The following IARS1 variants were observed in gnomAD, a reference collection of about 807,000 sequenced individuals.
IARS1 encodes the protein isoleucyl-tRNA synthetase 1, also known as isoleucine--tRNA ligase, cytoplasmic.
A neutral mutation model predicts 168.2 loss-of-function variants in IARS1; 124 were observed. The observed-to-expected ratio is 0.74, with a 90% CI of 0.64 to 0.86. The LOEUF (loss-of-function observed/expected upper bound fraction) is 0.86. Ranked by LOEUF, IARS1 falls within the 40% of genes least tolerant of loss-of-function variation. The probability of loss-of-function intolerance (pLI) is 0.00; values close to 1 mark genes in which losing one functional copy is unlikely to be tolerated. For synonymous variants in IARS1, 532 were observed against 529.4 expected (o/e 1.00, Z -0.07); for missense variants, 1,452 against 1,515.8 (o/e 0.96, Z 0.70).
intron 30 of IARS1, 27 bp from the exon 31 acceptor site, chr9:92,229,153 A>T (rs745519982): frequency 1.0e-5 from 16 of 1,602,004 alleles, no homozygotes; most frequent in Non-Finnish European, 8.5e-7. Context: ...ATAACACCTC[A>T]ATCAGACAAA....
Position 92,282,852 on chromosome 9 carries a change from ATATATATATT to A in IARS1, c.598-1969_598-1960del, listed in dbSNP as rs1293761871. Among the ~76,000 whole-genome samples the A allele has an allele frequency of 2.8e-5, 4 of 142,884 alleles. No homozygotes were observed. The South Asian group carries it at 9.5e-4, about 34-fold the overall frequency. 93.7% of individuals were successfully genotyped at this position (142,884 alleles called of 152,430 possible). On this transcript the variant is annotated intron_variant, in intron 6 of 33. Coordinates refer to ENST00000443024, the MANE Select transcript of IARS1 (RefSeq NM_002161.6). ...TACATACACACACATATATATATAT[ATATATATATT>A]TTTTTTTTTTGAGACAGAGTCTAAC...
rs1490186584 is a variant in IARS1 at position 92,210,892 on chromosome 9, A to G, written c.3707-3T>C. The G allele has an allele frequency of 6.3e-7, 1 of 1,583,052 alleles. No individual in the cohort carries two copies. Among genetic ancestry groups the G allele is most frequent in the East Asian group, 2.2e-5 (1 of 44,706 alleles). ...CACGGGGATGTCTTCTGTAATTTCT[A>G]GAATGGAAAGAAAAAGTTGAAAAAA... On this transcript the variant is annotated splice_region_variant and splice_polypyrimidine_tract_variant and intron_variant, in intron 33 of 33. Transcript: ENST00000443024.
chr9:92,218,509 T>G (rs1227038724), intron 33 of IARS1, among the ~76,000 whole-genome samples: 23 of 110,740 alleles, frequency 2.1e-4, no homozygotes, highest in African/African-American at 9.8e-4. Flanking sequence ...ATGACATGAT[T>G]GTATATCTAG....
intron 30 of IARS1, among the ~76,000 whole-genome samples, chr9:92,233,456 G>A (rs1238214969): frequency 3.9e-5 from 6 of 152,250 alleles, no homozygotes; most frequent in African/African-American, 7.2e-5. Flanking sequence ...TTGAGGAGAT[G>A]CAATGGAAAG....
chr9:92,252,764 CAAAAAA>C (rs34983021), intron 21 of IARS1, among the ~76,000 whole-genome samples: 3 of 27,234 alleles, frequency 1.1e-4, no homozygotes, highest in South Asian at 2.1e-3. Flanking sequence ...AACTCCTTCT[CAAAAAA>C]AAAAAAAAAA....
chr9:92,234,257 T>C (rs1283405244), intron 30 of IARS1, among the ~76,000 whole-genome samples: 1 of 152,256 alleles, frequency 6.6e-6, no homozygotes, highest in Non-Finnish European at 1.5e-5. Flanking sequence ...ACCCAATTAA[T>C]GCTTGAATCC....
chr9:92,270,781 G>A (rs928557444), intron 12 of IARS1, among the ~76,000 whole-genome samples: 3 of 152,114 alleles, frequency 2.0e-5, no homozygotes, highest in Non-Finnish European at 4.4e-5. Context: ...GGGCGTCAGA[G>A]TGAGACCCTA....
chr9:92,239,772 T>G (rs559578470), intron 30 of IARS1, among the ~76,000 whole-genome samples: 2 of 152,228 alleles, frequency 1.3e-5, no homozygotes, highest in African/African-American at 4.8e-5. Flanking sequence ...GATACCCCTG[T>G]GACAGGGGAG....
chr9:92,271,819 C>A (rs1191235382), intron 10 of IARS1, among the ~76,000 whole-genome samples, 164 bp from the exon 11 acceptor site: 1 of 152,178 alleles, frequency 6.6e-6, no homozygotes, highest in Non-Finnish European at 1.5e-5. Flanking sequence ...GAATCAGACC[C>A]TCACAGTTGG....
chr9:92,263,578 C>T (rs781637519), intron 16 of IARS1, among the ~76,000 whole-genome samples: 9 of 152,218 alleles, frequency 5.9e-5, no homozygotes, highest in African/African-American at 1.9e-4. Context: ...GGGGGTGATG[C>T]TTTCCTGCCT....
At chr9:92,252,187 T>C (rs938150932) in intron 21 of IARS1, among the ~76,000 whole-genome samples, 4 of 152,110 alleles carry the variant, frequency 2.6e-5, no homozygotes, top group African/African-American at 9.7e-5. Context: ...AGGCTGAAGG[T>C]AGAATGGATC....
At chr9:92,269,720 C>T (rs1832756971) in intron 13 of IARS1, among the ~76,000 whole-genome samples, 165 bp downstream of exon 13, 1 of 152,148 alleles carries the variant, frequency 6.6e-6, no homozygotes, top group Non-Finnish European at 1.5e-5. Context: ...TGTTCTGTAA[C>T]ATTATTTGAA....
intron 25 of IARS1, among the ~76,000 whole-genome samples, chr9:92,249,227 A>G (rs1246708878): frequency 6.6e-6 from 1 of 152,152 alleles, no homozygotes; most frequent in Non-Finnish European, 1.5e-5. Flanking sequence ...CATAATTTGG[A>G]GGAACAAAGT....
At chr9:92,269,781 C>CAAA in intron 13 of IARS1, 104 bp downstream of exon 13, 1 of 712,264 alleles carries the variant, frequency 1.4e-6, no homozygotes, top group Non-Finnish European at 2.5e-6. Context: ...TTACAATACC[C>CAAA]AATAAAAGAT....
chr9:92,227,033 T>A (rs569387), intron 31 of IARS1, among the ~76,000 whole-genome samples: 13,095 of 135,428 alleles, frequency 0.097, 602 homozygotes, highest in South Asian at 0.19. Context: ...CCTTCAAGCA[T>A]CTGTTTAACA....
intron 16 of IARS1, 46 bp from the exon 17 acceptor site, chr9:92,263,101 C>A: frequency 7.8e-7 from 1 of 1,286,144 alleles, no homozygotes; most frequent in Non-Finnish European, 1.1e-6. Context: ...AAATGAAGTC[C>A]AAGCATAAGA....
chr9:92,267,305 A>G (rs1587842963), intron 14 of IARS1, among the ~76,000 whole-genome samples: 1 of 152,158 alleles, frequency 6.6e-6, no homozygotes, highest in Non-Finnish European at 1.5e-5. Flanking sequence ...TCAGTCCTGA[A>G]AAGTCTTCTG....
chr9:92,270,991 CA>C lies in IARS1; in HGVS notation c.1198del (p.Cys400AlafsTer8). The C allele has an allele frequency of 6.2e-7, 1 of 1,608,948 alleles. No individual in the cohort carries two copies. Among genetic ancestry groups the C allele is most frequent in the South Asian group, 1.1e-5 (1 of 90,212 alleles). On this transcript the variant is annotated frameshift_variant, in exon 12 of 34. Coordinates refer to ENST00000443024, the MANE Select transcript of IARS1 (RefSeq NM_002161.6). LOFTEE classifies it high-confidence loss of function. The part of the protein sequence containing the change: ...ATTFTHSYPF[C>X]WRSDTPLIYK... ...AGTCTTTGTTTCTTCTGACCTCCAG[CA>C]AAAAGGGTAGCTGTGAGTGAAGGTG...
At chr9:92,233,670 C>T (rs769970692) in intron 30 of IARS1, among the ~76,000 whole-genome samples, 4 of 152,220 alleles carry the variant, frequency 2.6e-5, no homozygotes, top group African/African-American at 4.8e-5. Flanking sequence ...AATCCATACA[C>T]GTCTCTCCAC....
Sources: gnomAD v4.1 joint callset for allele counts (sites outside exome capture counted in the v4.1 genomes callset) on GRCh38, gnomAD v4.1.1 for gene constraint, MANE v1.5 for transcripts, NCBI Gene and HGNC (gene_info 2026-07-23, HGNC 2026-07-21) for gene names.